The following MSI2 variants were observed in gnomAD, a reference collection of about 807,000 sequenced individuals.
The protein encoded by MSI2 is musashi RNA binding protein 2.
A neutral mutation model predicts 45.6 loss-of-function variants in MSI2; 17 were observed. The observed-to-expected ratio is 0.37, with a 90% CI of 0.26 to 0.56. The LOEUF (loss-of-function observed/expected upper bound fraction) is 0.56. MSI2 is among the 20% of genes least tolerant of loss of function. The pLI, the probability that MSI2 is intolerant of heterozygous loss-of-function variation, is 0.77. For missense variants in MSI2, 293 were observed against 444.2 expected (o/e 0.66, Z 3.06); for synonymous variants, 156 against 158.2 (o/e 0.99, Z 0.11).
intron 7 of MSI2, among the ~76,000 whole-genome samples, chr17:57,553,239 G>T (rs555615126): frequency 6.6e-6 from 1 of 152,282 alleles, no homozygotes; most frequent in African/African-American, 2.4e-5. Flanking sequence ...CACTGGACTG[G>T]GGACCATAGT....
intron 5 of MSI2, among the ~76,000 whole-genome samples, chr17:57,351,774 T>A (rs541987840): frequency 6.6e-6 from 1 of 152,216 alleles, no homozygotes; most frequent in Non-Finnish European, 1.5e-5. Flanking sequence ...GAGAAGCGTT[T>A]GAACCCAGGA....
chr17:57,525,274 G>T (rs992055468), intron 6 of MSI2, among the ~76,000 whole-genome samples: 9 of 151,870 alleles, frequency 5.9e-5, no homozygotes, highest in Admixed American at 1.3e-4. Flanking sequence ...TGCTTTTTTG[G>T]GGGGGGCAGG....
intron 6 of MSI2, among the ~76,000 whole-genome samples, chr17:57,516,140 T>C (rs1464029725): frequency 6.6e-6 from 1 of 152,190 alleles, no homozygotes; most frequent in African/African-American, 2.4e-5. Flanking sequence ...ACAATCAGGA[T>C]ATATAATAGA....
At chr17:57,575,856 A>G (rs2088025649) in intron 7 of MSI2, among the ~76,000 whole-genome samples, 1 of 150,456 alleles carries the variant, frequency 6.6e-6, no homozygotes, top group African/African-American at 2.5e-5. Flanking sequence ...GAGGCAGGAG[A>G]ATGGCGTGAA....
At chr17:57,693,558 T>A in the MSI2 span, among the ~76,000 whole-genome samples, 1 of 152,378 alleles carries the variant, frequency 6.6e-6, no homozygotes, top group South Asian at 2.1e-4. Context: ...TCTGTTTGAC[T>A]CTTTCTTGTA....
At chr17:57,606,101 G>A (rs1200799625) in intron 8 of MSI2, among the ~76,000 whole-genome samples, 1 of 152,266 alleles carries the variant, frequency 6.6e-6, no homozygotes, top group Non-Finnish European at 1.5e-5. Flanking sequence ...GCCGACAGGT[G>A]CAGGGAGGGT....
At chr17:57,539,517 C>T (rs2086995130) in intron 7 of MSI2, among the ~76,000 whole-genome samples, 1 of 114,180 alleles carries the variant, frequency 8.8e-6, no homozygotes, top group Non-Finnish European at 1.9e-5. Context: ...CAGGGTGAAA[C>T]CCCATCTCTA....
intron 5 of MSI2, among the ~76,000 whole-genome samples, chr17:57,298,824 A>G (rs921880803): frequency 2.0e-5 from 3 of 152,238 alleles, no homozygotes; most frequent in African/African-American, 7.2e-5. Context: ...CTAACAAGAC[A>G]GTCAGCCTGT....
intron 6 of MSI2, among the ~76,000 whole-genome samples, chr17:57,473,951 G>A (rs957599232): frequency 5.3e-5 from 8 of 152,182 alleles, no homozygotes; most frequent in African/African-American, 1.9e-4. Flanking sequence ...AGCTGACCCA[G>A]ACTTATTATG....
intron 6 of MSI2, among the ~76,000 whole-genome samples, chr17:57,408,266 T>A (rs934739152): frequency 6.6e-6 from 1 of 152,254 alleles, no homozygotes; most frequent in Non-Finnish European, 1.5e-5. Flanking sequence ...ATATAAAATA[T>A]AGCCAGCTGT....
chr17:57,674,691 C>T (rs1287957510), intron 11 of MSI2, among the ~76,000 whole-genome samples: 1 of 151,874 alleles, frequency 6.6e-6, no homozygotes, highest in Admixed American at 6.6e-5. Context: ...GGTTGGTTGC[C>T]GTAGTGTGTT....
intron 5 of MSI2, chr17:57,285,777 C>T (rs1909818159): frequency 3.2e-6 from 4 of 1,251,982 alleles, no homozygotes; most frequent in Non-Finnish European, 4.2e-6. Flanking sequence ...TAGCAAGCAT[C>T]ATTATATTTT....
At chr17:57,288,646 A>G (rs976740762) in intron 5 of MSI2, among the ~76,000 whole-genome samples, 3 of 152,098 alleles carry the variant, frequency 2.0e-5, no homozygotes, top group African/African-American at 7.2e-5. Context: ...TAGATGGTGC[A>G]GTTTGGTTTC....
chr17:57,600,665 G>A (rs1246314472), intron 8 of MSI2, among the ~76,000 whole-genome samples: 1 of 152,126 alleles, frequency 6.6e-6, no homozygotes, highest in Admixed American at 6.5e-5. Context: ...AGCTGTCTTT[G>A]GGAAGTGGGG....
chr17:57,473,180 G>A (rs552441263), intron 6 of MSI2, among the ~76,000 whole-genome samples: 1 of 152,314 alleles, frequency 6.6e-6, no homozygotes, highest in East Asian at 1.9e-4. Context: ...GTGAGCCACC[G>A]CGCCTGGCCT....
chr17:57,316,963 C>T (rs967232016), intron 5 of MSI2, among the ~76,000 whole-genome samples: 27 of 151,872 alleles, frequency 1.8e-4, no homozygotes, highest in African/African-American at 6.5e-4. Context: ...CAGGGGGCAC[C>T]TAGGGAGATA....
chr17:57,410,820 T>G (rs1334455528), intron 6 of MSI2, among the ~76,000 whole-genome samples: 1 of 152,146 alleles, frequency 6.6e-6, no homozygotes, highest in Admixed American at 6.5e-5. Context: ...TGTTTTTCAC[T>G]TAAGGAAAAA....
At chr17:57,591,043 G>A (rs1904782569) in intron 7 of MSI2, among the ~76,000 whole-genome samples, 1 of 152,226 alleles carries the variant, frequency 6.6e-6, no homozygotes. Context: ...ACTCTGTCAG[G>A]GCCTGGAGCA....
intron 6 of MSI2, among the ~76,000 whole-genome samples, chr17:57,482,536 T>G (rs2085668362): frequency 6.6e-6 from 1 of 152,174 alleles, no homozygotes; most frequent in African/African-American, 2.4e-5. Context: ...GGAAGGGAGT[T>G]TGGGTGCCAG....
Sources: allele counts gnomAD v4.1 joint callset (sites outside exome capture counted in the v4.1 genomes callset), GRCh38; gene constraint gnomAD v4.1.1; transcripts MANE v1.5; gene names NCBI Gene and HGNC (gene_info 2026-07-23, HGNC 2026-07-21).